The following CAMKMT variants were observed in gnomAD, a reference collection of about 807,000 sequenced individuals.
CAMKMT encodes the protein CaM KMT.
A neutral mutation model predicts 48.0 loss-of-function variants in CAMKMT; 53 were observed. The ratio of observed to expected loss-of-function variants is 1.10; its 90% confidence interval spans 0.89 to 1.39. The LOEUF (loss-of-function observed/expected upper bound fraction) is 1.39, where lower values mean the gene tolerates loss of function less well. CAMKMT is among the 40% of genes most tolerant of loss of function. The probability of loss-of-function intolerance (pLI) is 0.00; values close to 1 mark genes in which losing one functional copy is unlikely to be tolerated. For missense variants in CAMKMT, 428 were observed against 402.7 expected, an observed-to-expected ratio of 1.06 and a Z score of -0.54; for synonymous variants, 165 against 152.3, an observed-to-expected ratio of 1.08 and a Z score of -0.61.
chr2:44,480,907 T>C (rs1441971823), intron 3 of CAMKMT, among the ~76,000 whole-genome samples: 4 of 152,118 alleles, frequency 2.6e-5, no homozygotes, highest in Non-Finnish European at 4.4e-5. Flanking sequence ...TATATATATT[T>C]ATTGAAGATA....
intron 3 of CAMKMT, among the ~76,000 whole-genome samples, chr2:44,393,734 C>T (rs182629304): frequency 2.4e-4 from 37 of 152,236 alleles, no homozygotes; most frequent in Non-Finnish European, 3.1e-4. Context: ...TTTGATATGT[C>T]GCTCAGATAC....
Position 44,362,070 on chromosome 2 carries a change from G to C in CAMKMT, c.63G>C (p.Pro21=), listed in dbSNP as rs370505824. The C allele has an allele frequency of 1.3e-4, 194 of 1,445,004 alleles. No homozygotes were observed. The African/African-American group carries it at 2.7e-3, about 20-fold the overall frequency. 89.5% of individuals were successfully genotyped at this position (1,445,004 alleles called of 1,614,324 possible). A position where few individuals can be genotyped will look rare whatever the true frequency, so the allele number is the denominator to read the frequency against. Residue 21 remains proline, a synonymous_variant, in exon 1 of 11, where the codon CCG becomes CCC. Transcript: ENST00000378494. ...GETARAAGGS[P]AVGCTTRGPV... ...CCGCGCGAGCAGCGGGCGGGAGTCC[G>C]GCAGTTGGCTGCACCACTCGGGGGC... is the stretch of plus-strand genomic sequence containing the variant.
intron 3 of CAMKMT, among the ~76,000 whole-genome samples, chr2:44,463,817 C>T (rs1023979803): frequency 3.3e-5 from 5 of 152,200 alleles, no homozygotes; most frequent in Admixed American, 3.3e-4. Flanking sequence ...GAGAGGCTGT[C>T]AGATTCTCTG....
chr2:44,748,669 G>A (rs1025375179), intron 8 of CAMKMT, among the ~76,000 whole-genome samples: 10 of 151,940 alleles, frequency 6.6e-5, no homozygotes, highest in Non-Finnish European at 1.0e-4. Flanking sequence ...TCAGGAGATC[G>A]AGACCATCCT....
chr2:44,717,062 A>G (rs754467514), intron 7 of CAMKMT, among the ~76,000 whole-genome samples: 1 of 152,222 alleles, frequency 6.6e-6, no homozygotes, highest in Non-Finnish European at 1.5e-5. Context: ...TAAGTTACAT[A>G]AACAAGCAAA....
At chr2:44,416,505 GT>G (rs1486596157) in intron 3 of CAMKMT, among the ~76,000 whole-genome samples, 1 of 141,762 alleles carries the variant, frequency 7.1e-6, no homozygotes, top group Non-Finnish European at 1.5e-5. Context: ...CTCTTCTCGT[GT>G]TTCATATAAA....
intron 3 of CAMKMT, among the ~76,000 whole-genome samples, chr2:44,673,974 T>C (rs1021219382): frequency 6.8e-6 from 1 of 146,602 alleles, no homozygotes; most frequent in African/African-American, 2.8e-5. Context: ...CAAATCTCCT[T>C]CTTGCTGAAG....
At chr2:44,542,199 G>T (rs1667151252) in intron 3 of CAMKMT, among the ~76,000 whole-genome samples, 2 of 151,626 alleles carry the variant, frequency 1.3e-5, no homozygotes, top group African/African-American at 4.9e-5. Flanking sequence ...GTCTTCCCCT[G>T]TGAACATAAA....
intron 9 of CAMKMT, among the ~76,000 whole-genome samples, chr2:44,765,881 G>T (rs1238913211): frequency 6.6e-6 from 1 of 152,210 alleles, no homozygotes; most frequent in Non-Finnish European, 1.5e-5. Context: ...TGACAGCGTG[G>T]TCACAGAAAA....
At chr2:44,757,026 T>A (rs1353348769) in intron 9 of CAMKMT, among the ~76,000 whole-genome samples, 1 of 152,198 alleles carries the variant, frequency 6.6e-6, no homozygotes, top group Non-Finnish European at 1.5e-5. Flanking sequence ...TCCTCACGTG[T>A]CAAAAGGCAA....
intron 10 of CAMKMT, 57 bp from the exon 11 acceptor site, chr2:44,771,979 T>C: frequency 2.6e-6 from 3 of 1,138,202 alleles, no homozygotes; most frequent in Non-Finnish European, 4.0e-6. Flanking sequence ...TAATATTGAC[T>C]GGTAAAGATC....
rs113843693 is a variant in CAMKMT at position 44,639,893 on chromosome 2, T to C, written c.377-64390T>C. Among the ~76,000 whole-genome samples, 247 of 152,246 alleles carry C rather than the reference T, an allele frequency of 1.6e-3. 2 individuals are homozygous for C. Among genetic ancestry groups the C allele is most frequent in the African/African-American group, 5.6e-3 (233 of 41,552 alleles). ...TGCATTTGTAAATATTTGGGATTGG[T>C]TTATGTTTTGGATTGTCAGAACAGC... On this transcript the variant is annotated intron_variant, in intron 3 of 10. Coordinates refer to ENST00000378494, the MANE Select transcript of CAMKMT (RefSeq NM_024766.5).
At chr2:44,537,519 A>T (rs1666841593) in intron 3 of CAMKMT, among the ~76,000 whole-genome samples, 1 of 152,182 alleles carries the variant, frequency 6.6e-6, no homozygotes, top group Admixed American at 6.5e-5. Flanking sequence ...AAAGACAAAA[A>T]ATAACAGATG....
intron 9 of CAMKMT, 80 bp from the exon 10 acceptor site, chr2:44,766,350 T>G: frequency 6.5e-7 from 1 of 1,528,832 alleles, no homozygotes; most frequent in Non-Finnish European, 9.0e-7. Flanking sequence ...GAGCAGTACA[T>G]TAAATGCTTT....
chr2:44,386,845 G>A (rs1252795737), intron 2 of CAMKMT, among the ~76,000 whole-genome samples: 1 of 152,070 alleles, frequency 6.6e-6, no homozygotes, highest in African/African-American at 2.4e-5. Context: ...TTTTGGAGTT[G>A]ATTTCCACTT....
intron 3 of CAMKMT, chr2:44,393,656 C>G (rs1270964088): frequency 2.6e-5 from 4 of 152,154 alleles, no homozygotes; most frequent in African/African-American, 9.7e-5. Flanking sequence ...TGCTGACAAG[C>G]TACCTAGGGA....
chr2:44,607,227 G>A (rs1440454540), intron 3 of CAMKMT, among the ~76,000 whole-genome samples: 1 of 152,084 alleles, frequency 6.6e-6, no homozygotes, highest in East Asian at 1.9e-4. Context: ...CCCCAGTAAT[G>A]CTGATGAGAT....
intron 3 of CAMKMT, among the ~76,000 whole-genome samples, chr2:44,478,915 G>A (rs531098988): frequency 6.6e-6 from 1 of 152,180 alleles, no homozygotes; most frequent in East Asian, 1.9e-4. Context: ...TAGCCAGGAT[G>A]GTCTCGATCT....
At chr2:44,555,889 C>G (rs1667979289) in intron 3 of CAMKMT, among the ~76,000 whole-genome samples, 2 of 152,026 alleles carry the variant, frequency 1.3e-5, no homozygotes, top group African/African-American at 4.8e-5. Context: ...AATTTAGCAA[C>G]AAAGAGGTCA....
Sources: allele counts gnomAD v4.1 joint callset (sites outside exome capture counted in the v4.1 genomes callset), GRCh38; gene constraint gnomAD v4.1.1; transcripts MANE v1.5; gene names NCBI Gene and HGNC (gene_info 2026-07-23, HGNC 2026-07-21).